The following MYO16 variants were observed in gnomAD, a reference collection of about 807,000 sequenced individuals.
MYO16 encodes unconventional myosin-XVI.
A neutral mutation model predicts 205.3 loss-of-function variants in MYO16; 94 were observed. That is an observed-to-expected ratio of 0.46 (90% CI 0.39 to 0.54). MYO16 has a LOEUF of 0.54. Among genes scored for constraint, MYO16 ranks in the 20% least tolerant of loss-of-function variants. The probability of loss-of-function intolerance (pLI) is 0.00; values close to 1 mark genes in which losing one functional copy is unlikely to be tolerated. For synonymous variants in MYO16, 988 were observed against 954.0 expected (o/e 1.04, Z -0.66); for missense variants, 2,315 against 2,387.5 (o/e 0.97, Z 0.63).
chr13:108,880,505 T>G (rs1350102815), intron 12 of MYO16, among the ~76,000 whole-genome samples: 5 of 152,198 alleles, frequency 3.3e-5, no homozygotes, highest in Non-Finnish European at 7.3e-5. Flanking sequence ...GGTCTAACAT[T>G]TAAGTCTTTA....
chr13:108,537,748 C>T, the MYO16 span, among the ~76,000 whole-genome samples: 1 of 152,042 alleles, frequency 6.6e-6, no homozygotes, highest in African/African-American at 2.4e-5. Flanking sequence ...ATTTGTATTT[C>T]TTTGATGATT....
rs564760071 is a variant in MYO16, at chr13:108,657,838, T to A, written c.29-8048T>A. On this transcript the variant is annotated intron_variant, in intron 1 of 34. Coordinates refer to ENST00000457511, the MANE Select transcript of MYO16 (RefSeq NM_001198950.3). ...CCTTATATATTTTTCTATTTTTTTCTATGCTAAGACCTTCATTTTGAGGTA... is the reference window on the plus strand; with the variant it reads ...CCTTATATATTTTTCTATTTTTTTCAATGCTAAGACCTTCATTTTGAGGTA... 1.4e-4 allele frequency among the ~76,000 whole-genome samples: 21 copies of A among 152,292 alleles called. No individual in the cohort carries two copies. In the South Asian group the frequency reaches 4.3e-3, roughly 32 times the overall value.
chr13:109,200,870 C>T (rs1172705232), intron 34 of MYO16, among the ~76,000 whole-genome samples: 1 of 152,042 alleles, frequency 6.6e-6, no homozygotes, highest in African/African-American at 2.4e-5. Flanking sequence ...CACTATGAAA[C>T]ACTGCTGAAA....
chr13:109,088,636 G>T (rs141299066), intron 27 of MYO16, among the ~76,000 whole-genome samples: 1 of 152,210 alleles, frequency 6.6e-6, no homozygotes, highest in Non-Finnish European at 1.5e-5. Flanking sequence ...TGAATCCCTG[G>T]GATTAAGACG....
At chr13:108,519,626 T>C in the MYO16 span, among the ~76,000 whole-genome samples, 1 of 108,436 alleles carries the variant, frequency 9.2e-6, no homozygotes, top group Non-Finnish European at 1.7e-5. Context: ...ATATGCAAAA[T>C]ACACACACAC....
intron 9 of MYO16, among the ~76,000 whole-genome samples, chr13:108,841,802 C>T (rs1877256326): frequency 1.3e-5 from 2 of 152,062 alleles, no homozygotes; most frequent in South Asian, 4.1e-4. Context: ...AAGTTGAAAG[C>T]ATCACATCCC....
chr13:109,156,828 C>T (rs1442753879), intron 32 of MYO16, among the ~76,000 whole-genome samples: 1 of 152,188 alleles, frequency 6.6e-6, no homozygotes. Context: ...GTCACCTGGG[C>T]GTCCCCTCCT....
At chr13:108,609,308 A>C (rs952468326) in intron 1 of MYO16, among the ~76,000 whole-genome samples, 4 of 152,126 alleles carry the variant, frequency 2.6e-5, no homozygotes, top group Non-Finnish European at 5.9e-5. Flanking sequence ...TGCAAAGACA[A>C]AGGGGGCTTC....
Position 109,140,997 on chromosome 13 carries a change from GC to G in MYO16, c.4790del (p.Pro1597ArgfsTer28). On this transcript the variant is annotated frameshift_variant, in exon 32 of 35. Coordinates refer to ENST00000457511, the MANE Select transcript of MYO16 (RefSeq NM_001198950.3). LOFTEE classifies it high-confidence loss of function. The surrounding 1 kb of genome is among the most constrained non-coding windows in gnomAD (Gnocchi z 8.0). ...GCCGAGCCTCCCCGCCGTCCACGCC[GC>G]CCCCGCCCCCGCCCCCGCCCGGGCC... ...SGRASPPSTP[P>X]PPPPPPGPPP... The G allele has an allele frequency of 7.7e-7, 1 of 1,302,796 alleles. No homozygotes were observed. The highest frequency in any genetic ancestry group is 9.8e-7 in the Non-Finnish European group (1 of 1,024,190). The allele number at this position is 1,302,796 out of a possible 1,614,324, so 80.7% of individuals were successfully genotyped here.
chr13:109,056,511 A>G (rs1485468967), intron 27 of MYO16, among the ~76,000 whole-genome samples: 1 of 152,188 alleles, frequency 6.6e-6, no homozygotes, highest in African/African-American at 2.4e-5. Context: ...ACTAAGCACT[A>G]TTCCAGGCCT....
chr13:108,649,775 T>C (rs779191764), intron 1 of MYO16, among the ~76,000 whole-genome samples: 1 of 152,150 alleles, frequency 6.6e-6, no homozygotes, highest in Non-Finnish European at 1.5e-5. Context: ...AGACTTGCAA[T>C]GAGGAGGGTT....
At chr13:108,510,441 TATATTTAACATTGATAGCTG>T in the MYO16 span, among the ~76,000 whole-genome samples, 547 of 128,892 alleles carry the variant, frequency 4.2e-3, 9 homozygotes, top group East Asian at 9.0e-3. Context: ...TTTTTTTTTT[TATATTTAACATTGATAGCTG>T]TTTTTTTTTT....
At chr13:108,713,358 A>C (rs1341372466) in intron 3 of MYO16, among the ~76,000 whole-genome samples, 1 of 152,226 alleles carries the variant, frequency 6.6e-6, no homozygotes, top group Non-Finnish European at 1.5e-5. Context: ...GTAAGATATC[A>C]ATCTAATTTA....
chr13:108,757,727 G>A (rs1051512348), intron 4 of MYO16, among the ~76,000 whole-genome samples: 9 of 152,094 alleles, frequency 5.9e-5, no homozygotes, highest in African/African-American at 2.2e-4. Context: ...AGAACATGCG[G>A]TGTTTGGTTT....
rs573181485 is a variant in MYO16 at position 109,201,968 on chromosome 13, A to T, written c.5416-4641A>T. On this transcript the variant is annotated intron_variant, in intron 34 of 34. Transcript: ENST00000457511. The stretch of plus-strand genomic sequence containing the variant: ...GAGTAGTATTCCATCATATATATAT[A>T]TATGTACACACACACACACATCATA... Among the ~76,000 whole-genome samples the T allele has an allele frequency of 2.8e-4, 42 of 152,050 alleles. 1 individual carries two copies. Among genetic ancestry groups the T allele is most frequent in the African/African-American group, 9.2e-4 (38 of 41,462 alleles).
intron 1 of MYO16, among the ~76,000 whole-genome samples, chr13:108,620,541 G>A (rs1454043557): frequency 1.3e-5 from 2 of 152,150 alleles, no homozygotes; most frequent in Non-Finnish European, 2.9e-5. Flanking sequence ...AGGGATGAGA[G>A]GTTTCCAGTA....
Position 109,117,458 on chromosome 13 carries a change from G to T in MYO16, c.3439-2912G>T, listed in dbSNP as rs1875768832. 2.1e-5 allele frequency among the ~76,000 whole-genome samples: 3 copies of T among 144,302 alleles called. No individual in the cohort carries two copies. The South Asian group carries it at 6.5e-4, about 31-fold the overall frequency. The allele number at this position is 144,302 out of a possible 152,430, so 94.7% of individuals were successfully genotyped here. The stretch of plus-strand genomic sequence containing the variant: ...TATATGTATATATATGTATATATAT[G>T]TATGTGTATATATGTATGTATATGT... On this transcript the variant is annotated intron_variant, in intron 28 of 34. Coordinates refer to ENST00000457511, the MANE Select transcript of MYO16 (RefSeq NM_001198950.3).
chr13:108,862,519 C>T (rs1471036410), intron 11 of MYO16, among the ~76,000 whole-genome samples: 1 of 152,264 alleles, frequency 6.6e-6, no homozygotes, highest in Middle Eastern at 3.4e-3. Flanking sequence ...GATCACAGCA[C>T]CTTTGTCCTA....
chr13:108,520,424 A>T, the MYO16 span, among the ~76,000 whole-genome samples: 1 of 152,198 alleles, frequency 6.6e-6, no homozygotes, highest in Non-Finnish European at 1.5e-5. Flanking sequence ...TAATCAGACC[A>T]TATCTGGTTT....
Sources: gnomAD v4.1 joint callset for allele counts (sites outside exome capture counted in the v4.1 genomes callset) on GRCh38, gnomAD v4.1.1 for gene constraint, Gnocchi (gnomAD v3.1) non-coding constraint, MANE v1.5 for transcripts, NCBI Gene and HGNC (gene_info 2026-07-23, HGNC 2026-07-21) for gene names.